Variants in CRB1 observed in about 807,000 individuals in gnomAD.
The protein encoded by CRB1 is protein crumbs homolog 1.
Under a neutral mutation model 120.0 loss-of-function variants are expected in CRB1, and 83 were observed. The observed-to-expected ratio is 0.69, with a 90% CI of 0.58 to 0.83. The LOEUF (loss-of-function observed/expected upper bound fraction) is 0.83, where lower values mean the gene tolerates loss of function less well. Among genes scored for constraint, CRB1 ranks in the 40% least tolerant of loss-of-function variants. The probability of loss-of-function intolerance (pLI) is 0.00; values close to 1 mark genes in which losing one functional copy is unlikely to be tolerated. For missense variants in CRB1, 1,699 were observed against 1,687.6 expected (o/e 1.01, Z -0.12); for synonymous variants, 625 against 612.5 (o/e 1.02, Z -0.30).
In CRB1 at chr1:197,383,200, T is replaced by C. The variant is rs188801595; in HGVS notation, c.1171+26187T>C. On this transcript the variant is annotated intron_variant, in intron 5 of 11. Coordinates refer to ENST00000367400, the MANE Select transcript of CRB1 (RefSeq NM_201253.3). ...ACATATCCCTGGCTTGTAGGATCTT[T>C]TAGTCAAAACACAAGATGTCTATAA... 2.6e-5 allele frequency among the ~76,000 whole-genome samples: 4 copies of C among 152,230 alleles called. No individual in the cohort carries two copies. The East Asian group carries it at 7.7e-4, about 29-fold the overall frequency.
chr1:197,453,889 A>G (rs917891525), intron 11 of CRB1, among the ~76,000 whole-genome samples: 9 of 139,408 alleles, frequency 6.5e-5, no homozygotes, highest in East Asian at 2.0e-4. Flanking sequence ...ATATATTATT[A>G]ATATTATTAT....
At chr1:197,222,215 C>T in the CRB1 span, 9 of 485,436 alleles carry the variant, frequency 1.9e-5, no homozygotes, top group East Asian at 4.6e-5. Flanking sequence ...GCGGCCGCAG[C>T]GGCACCATGA....
chr1:197,353,673 C>T (rs964178710), intron 4 of CRB1, among the ~76,000 whole-genome samples: 10 of 152,096 alleles, frequency 6.6e-5, no homozygotes, highest in Middle Eastern at 6.8e-3. Flanking sequence ...TGGTGGCACA[C>T]GCCTGTAATC....
At chr1:197,363,508 G>T (rs775603844) in intron 5 of CRB1, among the ~76,000 whole-genome samples, 16 of 152,112 alleles carry the variant, frequency 1.1e-4, no homozygotes, top group Admixed American at 1.3e-4. Flanking sequence ...CATGGAACTT[G>T]AAAAATTCTA....
chr1:197,362,500 CTCTT>C (rs1342280754), intron 5 of CRB1, among the ~76,000 whole-genome samples: 4 of 151,996 alleles, frequency 2.6e-5, no homozygotes, highest in African/African-American at 4.8e-5. Flanking sequence ...ATGGATTTGT[CTCTT>C]TCTTCTTTCA....
At chr1:197,361,965 A>G (rs766405082) in intron 5 of CRB1, among the ~76,000 whole-genome samples, 2 of 151,920 alleles carry the variant, frequency 1.3e-5, no homozygotes, top group Non-Finnish European at 2.9e-5. Flanking sequence ...TTTCTAATAT[A>G]TAAGCATTAT....
intron 2 of CRB1, among the ~76,000 whole-genome samples, chr1:197,343,415 T>G (rs1400326344): frequency 6.6e-6 from 1 of 152,198 alleles, no homozygotes; most frequent in East Asian, 1.9e-4. Flanking sequence ...TACTACAACT[T>G]GTATAAATCA....
At chr1:197,203,295 C>G in the CRB1 span, among the ~76,000 whole-genome samples, 3 of 152,050 alleles carry the variant, frequency 2.0e-5, no homozygotes, top group Non-Finnish European at 4.4e-5. Flanking sequence ...TGAGAATAAA[C>G]CAAGTATGCT....
intron 2 of CRB1, among the ~76,000 whole-genome samples, chr1:197,337,610 A>G (rs1659229607): frequency 1.3e-5 from 2 of 152,172 alleles, no homozygotes; most frequent in Admixed American, 1.3e-4. Context: ...AAACATTGCT[A>G]CTAATGAATA....
chr1:197,403,772 C>T (rs1374346330), intron 5 of CRB1, among the ~76,000 whole-genome samples: 1 of 151,946 alleles, frequency 6.6e-6, no homozygotes, highest in Non-Finnish European at 1.5e-5. Flanking sequence ...TTAGTTTTCT[C>T]TTTCTCTCTC....
At chr1:197,392,252 T>TAC (rs1391409524) in intron 5 of CRB1, among the ~76,000 whole-genome samples, 1 of 151,412 alleles carries the variant, frequency 6.6e-6, no homozygotes, top group Non-Finnish European at 1.5e-5. Context: ...AAGATATACA[T>TAC]ACACACACAC....
chr1:197,293,573 A>G (rs1001507942), intron 1 of CRB1, among the ~76,000 whole-genome samples: 2 of 152,138 alleles, frequency 1.3e-5, no homozygotes, highest in Admixed American at 6.6e-5. Flanking sequence ...TTTAAAGTTC[A>G]TATGGAACCA....
chr1:197,327,122 A>AC (rs1269626107), intron 1 of CRB1, among the ~76,000 whole-genome samples: 1 of 141,054 alleles, frequency 7.1e-6, no homozygotes, highest in African/African-American at 2.5e-5. Context: ...AAAAAAAAAA[A>AC]AAAAAAAAAA....
the CRB1 span, among the ~76,000 whole-genome samples, chr1:197,203,255 T>TA: frequency 6.6e-6 from 1 of 152,318 alleles, no homozygotes; most frequent in South Asian, 2.1e-4. Flanking sequence ...ATATCACACT[T>TA]AATGAAAGAT....
At position 197,477,931 on chromosome 1, in the gene CRB1, T is replaced by C; in HGVS notation, c.*52T>C. On this transcript the variant is annotated 3_prime_UTR_variant, in exon 12 of 12. Transcript: ENST00000367400. ...ATCCACACACTGTGAATGTGATGAC[T>C]GTACTTCAGGTATCTCTGACATACC... 1 of 1,546,008 alleles carries C rather than the reference T, an allele frequency of 6.5e-7. No individual in the cohort carries two copies. Among genetic ancestry groups the C allele is most frequent in the South Asian group, 1.1e-5 (1 of 89,576 alleles).
At chr1:197,418,538 C>T (rs1664119533) in intron 5 of CRB1, among the ~76,000 whole-genome samples, 1 of 152,146 alleles carries the variant, frequency 6.6e-6, no homozygotes, top group Non-Finnish European at 1.5e-5. Context: ...AAAGTAATCC[C>T]AGTACAGTAA....
At chr1:197,446,091 G>A (rs1388097918) in intron 11 of CRB1, among the ~76,000 whole-genome samples, 1 of 152,010 alleles carries the variant, frequency 6.6e-6, no homozygotes, top group South Asian at 2.1e-4. Context: ...TCAGGAGGCC[G>A]AGGAAGGAGA....
the CRB1 span, among the ~76,000 whole-genome samples, chr1:197,241,454 A>G: frequency 2.0e-5 from 3 of 152,080 alleles, no homozygotes; most frequent in Non-Finnish European, 4.4e-5. Flanking sequence ...TTATTAAATA[A>G]GGAATTCTTT....
At chr1:197,373,699 T>C (rs1661496166) in intron 5 of CRB1, among the ~76,000 whole-genome samples, 1 of 152,066 alleles carries the variant, frequency 6.6e-6, no homozygotes, top group South Asian at 2.1e-4. Flanking sequence ...GAGTCAGAAA[T>C]CTTCAGGATT....
Sources: allele counts gnomAD v4.1 joint callset (sites outside exome capture counted in the v4.1 genomes callset), GRCh38; gene constraint gnomAD v4.1.1; transcripts MANE v1.5; gene names NCBI Gene and HGNC (gene_info 2026-07-23, HGNC 2026-07-21).